Variants in TBXAS1 observed in about 807,000 individuals in gnomAD.
The protein encoded by TBXAS1 is thromboxane A synthase 1.
Under a neutral mutation model 60.7 loss-of-function variants are expected in TBXAS1, and 48 were observed. The observed-to-expected ratio is 0.79, with a 90% CI of 0.63 to 1.01. The LOEUF is 1.01. Among genes scored for constraint, TBXAS1 ranks in the 50% least tolerant of loss-of-function variants. The probability of loss-of-function intolerance (pLI) is 0.00; values close to 1 mark genes in which losing one functional copy is unlikely to be tolerated. For synonymous variants in TBXAS1, 287 were observed against 269.7 expected, an observed-to-expected ratio of 1.06 and a Z score of -0.63; for missense variants, 685 against 686.3, an observed-to-expected ratio of 1.00 and a Z score of 0.02.
At chr7:139,973,814 T>C (rs969455120) in intron 9 of TBXAS1, among the ~76,000 whole-genome samples, 2 of 152,160 alleles carry the variant, frequency 1.3e-5, no homozygotes, top group East Asian at 3.8e-4. Flanking sequence ...TTTTTTTTTC[T>C]TTTGGTCGCA....
rs181837834 is a variant in TBXAS1, at chr7:139,903,443, C to A, written c.237-7782C>A. Among the ~76,000 whole-genome samples, 902 of 152,076 alleles carry A rather than the reference C, an allele frequency of 5.9e-3. 10 individuals are homozygous for A. The highest frequency in any genetic ancestry group is 0.027 in the South Asian group (132 of 4,808). ...TCTTTTTTGAATAATGACTTCTTTT[C>A]CTCTGGGTAGATACCCAGTAGTGGG... is the stretch of plus-strand genomic sequence containing the variant. On this transcript the variant is annotated intron_variant, in intron 3 of 12. Transcript: ENST00000448866.
chr7:139,862,441 G>C (rs1003683497), intron 1 of TBXAS1, among the ~76,000 whole-genome samples: 1 of 152,166 alleles, frequency 6.6e-6, no homozygotes, highest in Non-Finnish European at 1.5e-5. Context: ...CAATGATCTT[G>C]ACAAGGGCAG....
intron 1 of TBXAS1, among the ~76,000 whole-genome samples, chr7:139,779,018 A>G (rs971590087): frequency 6.6e-6 from 1 of 152,242 alleles, no homozygotes; most frequent in African/African-American, 2.4e-5. Context: ...AGAAAATATT[A>G]GAGTCCATTG....
At chr7:139,805,660 C>CTCTTCTTTCTT (rs1797830464) in intron 4 of TBXAS1, among the ~76,000 whole-genome samples, 1 of 101,432 alleles carries the variant, frequency 9.9e-6, no homozygotes, top group Non-Finnish European at 1.9e-5. Flanking sequence ...CCTTCTTTTT[C>CTCTTCTTTCTT]TCTTTCTTTC....
intron 3 of TBXAS1, among the ~76,000 whole-genome samples, chr7:139,884,013 A>C (rs1354535161): frequency 6.6e-6 from 1 of 152,238 alleles, no homozygotes; most frequent in Admixed American, 6.5e-5. Flanking sequence ...TTCCAGTTGT[A>C]AACTGGATGA....
intron 4 of TBXAS1, among the ~76,000 whole-genome samples, chr7:139,920,968 G>A (rs1040004602): frequency 6.6e-6 from 1 of 152,140 alleles, no homozygotes; most frequent in Non-Finnish European, 1.5e-5. Flanking sequence ...CACATGCACT[G>A]AACAACCAAA....
At chr7:139,786,462 T>G (rs1052220997) in intron 3 of TBXAS1, among the ~76,000 whole-genome samples, 1 of 152,234 alleles carries the variant, frequency 6.6e-6, no homozygotes, top group African/African-American at 2.4e-5. Context: ...TTTATTTTAG[T>G]GAAAAGTTTC....
Position 139,829,370 on chromosome 7 carries a change from C to A in TBXAS1, c.-21C>A, listed in dbSNP as rs376526095. 1 of 1,609,740 alleles carries A rather than the reference C, an allele frequency of 6.2e-7. No individual in the cohort carries two copies. Among genetic ancestry groups the A allele is most frequent in the East Asian group, 2.2e-5 (1 of 44,856 alleles). ...TCCTGTCTCATCTGGAAGACCACCACTCTGGGGTCTCAGAGGAATGATGGA... is the reference window on the plus strand; with the variant it reads ...TCCTGTCTCATCTGGAAGACCACCAATCTGGGGTCTCAGAGGAATGATGGA... On this transcript the variant is annotated 5_prime_UTR_variant, in exon 1 of 13. Coordinates refer to ENST00000448866, the MANE Select transcript of TBXAS1 (RefSeq NM_001061.7).
chr7:139,910,787 A>G (rs1805456758), intron 3 of TBXAS1, among the ~76,000 whole-genome samples: 1 of 152,222 alleles, frequency 6.6e-6, no homozygotes, highest in South Asian at 2.1e-4. Flanking sequence ...GAGAATTGGT[A>G]TAAAGGTTAT....
chr7:139,943,876 T>A (rs191525197), intron 5 of TBXAS1, among the ~76,000 whole-genome samples: 1,702 of 152,118 alleles, frequency 0.011, 17 homozygotes, highest in Non-Finnish European at 0.016. Flanking sequence ...TTTTTCATTT[T>A]AAAAAAAAAC....
At position 139,978,464 on chromosome 7, in the gene TBXAS1, T is replaced by C. The variant is rs1273886163; in HGVS notation, c.1134+16231T>C. 4.0e-5 allele frequency among the ~76,000 whole-genome samples: 6 copies of C among 150,722 alleles called. No homozygotes were observed. The South Asian group carries it at 1.1e-3, about 26-fold the overall frequency. ...GGCAGAGGTTGCAGTTCGCTGAGAT[T>C]GCACCACTGCACTCCAGCCTGGGTG... On this transcript the variant is annotated intron_variant, in intron 9 of 12. Coordinates refer to ENST00000448866, the MANE Select transcript of TBXAS1 (RefSeq NM_001061.7).
At chr7:139,838,698 C>A (rs1336516123) in intron 1 of TBXAS1, among the ~76,000 whole-genome samples, 4 of 151,916 alleles carry the variant, frequency 2.6e-5, no homozygotes, top group African/African-American at 9.7e-5. Flanking sequence ...TTAAACTAGG[C>A]ACAGTACACT....
At chr7:139,863,846 A>T (rs147644085) in intron 1 of TBXAS1, among the ~76,000 whole-genome samples, 1 of 152,214 alleles carries the variant, frequency 6.6e-6, no homozygotes, top group African/African-American at 2.4e-5. Flanking sequence ...CTTTCAAAAG[A>T]TAAATAAAAT....
rs920994549 is a variant in TBXAS1, at chr7:139,864,965, C to T, written c.90-7270C>T. Among the ~76,000 whole-genome samples the T allele has an allele frequency of 6.6e-5, 10 of 152,042 alleles. No individual in the cohort carries two copies. The East Asian group carries it at 1.2e-3, about 18-fold the overall frequency. On this transcript the variant is annotated intron_variant, in intron 1 of 12. Coordinates refer to ENST00000448866, the MANE Select transcript of TBXAS1 (RefSeq NM_001061.7). ...GGAGGTACTCTAGGAAGGAGATGTC[C>T]GATTCTTATTGCTTGGAAAAAAAAT...
chr7:139,964,566 C>T (rs939185498), intron 9 of TBXAS1, among the ~76,000 whole-genome samples: 30 of 152,192 alleles, frequency 2.0e-4, no homozygotes, highest in African/African-American at 7.0e-4. Context: ...GGAAGCCCAG[C>T]GCTCTGGTCT....
intron 5 of TBXAS1, among the ~76,000 whole-genome samples, chr7:139,950,963 A>G (rs1557968): frequency 0.7 from 88,872 of 127,114 alleles, 32,165 homozygotes; most frequent in East Asian, 0.77. Context: ...CAGAGCACGT[A>G]GGACTGACTC....
At chr7:139,783,593 T>A (rs1797069587) in intron 3 of TBXAS1, among the ~76,000 whole-genome samples, 1 of 152,122 alleles carries the variant, frequency 6.6e-6, no homozygotes, top group Non-Finnish European at 1.5e-5. Flanking sequence ...TAGGTAGAAA[T>A]GGTGCAGAAA....
In TBXAS1 at chr7:139,865,833, G is replaced by GA. The variant is rs1801364618; in HGVS notation, c.90-6402_90-6401insA. 1.4e-4 allele frequency among the ~76,000 whole-genome samples: 14 copies of GA among 100,382 alleles called. 1 individual carries two copies. The highest frequency in any genetic ancestry group is 5.8e-4 in the African/African-American group (14 of 24,306). 65.9% of individuals were successfully genotyped at this position (100,382 alleles called of 152,430 possible). A position where few individuals can be genotyped will look rare whatever the true frequency, so the allele number is the denominator to read the frequency against. Reference sequence around the variant, plus strand: ...GAAGGAAGGGAGGGAGGGAGGGAGGGGGGAAAGGAAGAAGGAAGGAGGGAG... The same window carrying GA: ...GAAGGAAGGGAGGGAGGGAGGGAGGGAGGGAAAGGAAGAAGGAAGGAGGGAG... On this transcript the variant is annotated intron_variant, in intron 1 of 12. Coordinates refer to ENST00000448866, the MANE Select transcript of TBXAS1 (RefSeq NM_001061.7).
intron 4 of TBXAS1, among the ~76,000 whole-genome samples, chr7:139,821,535 G>A (rs1452116045): frequency 6.6e-6 from 1 of 152,158 alleles, no homozygotes; most frequent in Non-Finnish European, 1.5e-5. Context: ...AACTGTTTAT[G>A]AGCCCATCCA....
Sources: gnomAD v4.1 joint callset for allele counts (sites outside exome capture counted in the v4.1 genomes callset) on GRCh38, gnomAD v4.1.1 for gene constraint, MANE v1.5 for transcripts, NCBI Gene and HGNC (gene_info 2026-07-23, HGNC 2026-07-21) for gene names.